Variants in SLC9A9 observed in about 807,000 individuals in gnomAD.
SLC9A9 encodes the protein solute carrier family 9 member A9.
In SLC9A9, 62 loss-of-function variants were observed where a neutral mutation model predicts 77.8. The ratio of observed to expected loss-of-function variants is 0.80; its 90% CI spans 0.65 to 0.98. SLC9A9 has a LOEUF of 0.98. SLC9A9 is among the 50% of genes least tolerant of loss of function. SLC9A9 has a pLI of 0.00. For missense variants in SLC9A9, 775 were observed against 774.9 expected (o/e 1.00, Z 0.00); for synonymous variants, 320 against 283.5 (o/e 1.13, Z -1.29).
chr3:143,564,281 G>C (rs2037133656), intron 8 of SLC9A9, among the ~76,000 whole-genome samples: 1 of 152,158 alleles, frequency 6.6e-6, no homozygotes, highest in Non-Finnish European at 1.5e-5. Flanking sequence ...GTCAGATACA[G>C]AAGTAGAAAA....
At chr3:143,596,660 T>G (rs573777760) in intron 6 of SLC9A9, among the ~76,000 whole-genome samples, 1 of 152,150 alleles carries the variant, frequency 6.6e-6, no homozygotes, top group Non-Finnish European at 1.5e-5. Context: ...GTATGAAGTC[T>G]TTTTCTTTTT....
At chr3:143,745,481 C>A (rs78677765) in intron 4 of SLC9A9, among the ~76,000 whole-genome samples, 3,990 of 152,292 alleles carry the variant, frequency 0.026, 199 homozygotes, top group African/African-American at 0.09. Context: ...GCCTAGGAGT[C>A]TGGAAAGAAC....
At chr3:143,309,194 T>G (rs1289391100) in intron 14 of SLC9A9, among the ~76,000 whole-genome samples, 1 of 152,108 alleles carries the variant, frequency 6.6e-6, no homozygotes, top group East Asian at 1.9e-4. Flanking sequence ...TTCCTCTAAT[T>G]CAAAGGTAAA....
At chr3:143,531,432 A>G (rs1035086956) in intron 9 of SLC9A9, among the ~76,000 whole-genome samples, 1 of 152,206 alleles carries the variant, frequency 6.6e-6, no homozygotes, top group African/African-American at 2.4e-5. Flanking sequence ...CACATGAGGG[A>G]GAGAAGAAGC....
intron 14 of SLC9A9, among the ~76,000 whole-genome samples, chr3:143,331,477 A>G (rs2031769553): frequency 3.3e-5 from 5 of 152,194 alleles, no homozygotes; most frequent in Admixed American, 3.3e-4. Context: ...AAACAGGCCT[A>G]AAGACTGAAA....
In SLC9A9 at chr3:143,381,631, G is replaced by GT. The variant is rs1371110783; in HGVS notation, c.1524+428dup. Among the ~76,000 whole-genome samples, 26 of 152,292 alleles carry GT rather than the reference G, an allele frequency of 1.7e-4. No homozygotes were observed. The East Asian group carries it at 4.0e-3, about 24-fold the overall frequency. On this transcript the variant is annotated intron_variant, in intron 13 of 15. Transcript: ENST00000316549. ...AGTCAAAGGATGGATCACCTAGACAGTTTTTTGGGCCTTAGACCTGATAAA... is the reference window on the plus strand; with the variant it reads ...AGTCAAAGGATGGATCACCTAGACAGTTTTTTTGGGCCTTAGACCTGATAAA...
intron 2 of SLC9A9, among the ~76,000 whole-genome samples, chr3:143,798,843 C>G (rs1160703696): frequency 2.0e-5 from 3 of 152,144 alleles, no homozygotes; most frequent in African/African-American, 7.2e-5. Context: ...CCGCCTGTCC[C>G]CTCAGTTCCA....
chr3:143,542,347 G>A (rs1022901346), intron 9 of SLC9A9, among the ~76,000 whole-genome samples: 10 of 152,102 alleles, frequency 6.6e-5, no homozygotes, highest in Admixed American at 4.6e-4. Context: ...CAAAAGAAAT[G>A]TAATTAGAGT....
chr3:143,810,018 A>C (rs2008821874), intron 2 of SLC9A9, among the ~76,000 whole-genome samples: 1 of 152,252 alleles, frequency 6.6e-6, no homozygotes, highest in South Asian at 2.1e-4. Context: ...TGAGATGGAA[A>C]CATTACGTAT....
At chr3:143,606,332 G>A in intron 6 of SLC9A9, among the ~76,000 whole-genome samples, 1 of 151,130 alleles carries the variant, frequency 6.6e-6, no homozygotes. Flanking sequence ...TGGAACCTGG[G>A]GGAACGAGAT....
In SLC9A9 at chr3:143,637,992, T is replaced by A. The variant is rs2038554848; in HGVS notation, c.755+14263A>T. Reference sequence around the variant, plus strand: ...TTCTACTTTTCCTAACTTTTTCTTATAAGTTATGCTAATGAAAAGGCTAAA... The same window carrying A: ...TTCTACTTTTCCTAACTTTTTCTTAAAAGTTATGCTAATGAAAAGGCTAAA... On this transcript the variant is annotated intron_variant, in intron 6 of 15. Transcript: ENST00000316549. 2.0e-5 allele frequency among the ~76,000 whole-genome samples: 3 copies of A among 152,206 alleles called. No individual in the cohort carries two copies. The South Asian group carries it at 6.2e-4, about 32-fold the overall frequency.
At chr3:143,406,741 C>G (rs1005026341) in intron 12 of SLC9A9, among the ~76,000 whole-genome samples, 1 of 151,956 alleles carries the variant, frequency 6.6e-6, no homozygotes, top group Non-Finnish European at 1.5e-5. Flanking sequence ...TTTGGAAGGC[C>G]AAGGCCGGGA....
chr3:143,732,127 A>G (rs1934820671), intron 4 of SLC9A9, among the ~76,000 whole-genome samples: 1 of 152,230 alleles, frequency 6.6e-6, no homozygotes, highest in Non-Finnish European at 1.5e-5. Flanking sequence ...TTATTGGAGC[A>G]TGTGTCACTG....
At chr3:143,380,872 C>A (rs2033286420) in intron 13 of SLC9A9, among the ~76,000 whole-genome samples, 1 of 152,340 alleles carries the variant, frequency 6.6e-6, no homozygotes, top group African/African-American at 2.4e-5. Context: ...AGTTGTGCCT[C>A]ATTGATGGTG....
chr3:143,612,461 G>A (rs1188085497), intron 6 of SLC9A9, among the ~76,000 whole-genome samples: 1 of 152,188 alleles, frequency 6.6e-6, no homozygotes, highest in African/African-American at 2.4e-5. Context: ...TTGATCTTCA[G>A]GGTGGTACCC....
chr3:143,283,122 T>C (rs1427687380), intron 14 of SLC9A9, among the ~76,000 whole-genome samples: 2 of 152,254 alleles, frequency 1.3e-5, no homozygotes, highest in Non-Finnish European at 2.9e-5. Context: ...GAAATGAGTC[T>C]CCTCAATGTT....
intron 12 of SLC9A9, among the ~76,000 whole-genome samples, chr3:143,423,552 C>A (rs2034349779): frequency 6.6e-6 from 1 of 151,878 alleles, no homozygotes; most frequent in Non-Finnish European, 1.5e-5. Context: ...TCCTAGTGGC[C>A]AAATTAAAGA....
At chr3:143,612,961 GGCCACA>G (rs770266613) in intron 6 of SLC9A9, among the ~76,000 whole-genome samples, 6 of 152,172 alleles carry the variant, frequency 3.9e-5, no homozygotes, top group Non-Finnish European at 8.8e-5. Flanking sequence ...ATTAAAAAAA[GGCCACA>G]GCAGGGGCTG....
At chr3:143,835,667 G>C (rs2009550236) in intron 1 of SLC9A9, among the ~76,000 whole-genome samples, 1 of 152,172 alleles carries the variant, frequency 6.6e-6, no homozygotes, top group Non-Finnish European at 1.5e-5. Context: ...ACCATTCAAA[G>C]ATACAAGATT....
Sources: allele counts gnomAD v4.1 joint callset (sites outside exome capture counted in the v4.1 genomes callset), GRCh38; gene constraint gnomAD v4.1.1; transcripts MANE v1.5; gene names NCBI Gene and HGNC (gene_info 2026-07-23, HGNC 2026-07-21).